The following HIVEP3 variants were observed in gnomAD, a reference collection of about 807,000 sequenced individuals.
The protein encoded by HIVEP3 is transcription factor HIVEP3.
A neutral mutation model predicts 152.8 loss-of-function variants in HIVEP3; 49 were observed. The observed-to-expected ratio is 0.32, with a 90% confidence interval of 0.26 to 0.41. HIVEP3 has a LOEUF of 0.41. Among genes scored for constraint, HIVEP3 ranks in the 10% least tolerant of loss-of-function variants. The pLI, the probability that HIVEP3 is intolerant of heterozygous loss-of-function variation, is 1.00. For missense variants in HIVEP3, 2,790 were observed against 3,103.3 expected, an observed-to-expected ratio of 0.90 and a Z score of 2.40; for synonymous variants, 1,269 against 1,289.0, an observed-to-expected ratio of 0.98 and a Z score of 0.33.
At chr1:41,832,311 T>G (rs12562753) in intron 1 of HIVEP3, among the ~76,000 whole-genome samples, 55,227 of 152,080 alleles carry the variant, frequency 0.36, 10,241 homozygotes, top group African/African-American at 0.4. Flanking sequence ...GAGGATCACA[T>G]AAGCCCAGGA....
intron 1 of HIVEP3, among the ~76,000 whole-genome samples, chr1:41,882,437 C>T (rs1644277492): frequency 6.6e-6 from 1 of 152,178 alleles, no homozygotes; most frequent in African/African-American, 2.4e-5. Context: ...AAAATCCCAG[C>T]ACTAGACAGA....
intron 6 of HIVEP3, among the ~76,000 whole-genome samples, chr1:41,518,785 AAAG>A (rs1642679044): frequency 6.6e-6 from 1 of 152,086 alleles, no homozygotes; most frequent in African/African-American, 2.4e-5. Flanking sequence ...AACAAACAAA[AAAG>A]AAATTAAAAG....
chr1:41,688,051 GA>G (rs1474163759), intron 2 of HIVEP3, among the ~76,000 whole-genome samples: 1 of 152,240 alleles, frequency 6.6e-6, no homozygotes, highest in African/African-American at 2.4e-5. Context: ...GAACAGAGCA[GA>G]AAGATGCATG....
chr1:41,611,109 A>G (rs1644890892), intron 3 of HIVEP3, among the ~76,000 whole-genome samples: 1 of 152,222 alleles, frequency 6.6e-6, no homozygotes, highest in Non-Finnish European at 1.5e-5. Context: ...GAAAATTACT[A>G]GTGTATGTTA....
intron 1 of HIVEP3, among the ~76,000 whole-genome samples, chr1:41,820,190 C>T (rs964423842): frequency 6.6e-6 from 1 of 152,162 alleles, no homozygotes; most frequent in Non-Finnish European, 1.5e-5. Flanking sequence ...TTAAATCCCC[C>T]TTTATAAAAA....
intron 1 of HIVEP3, among the ~76,000 whole-genome samples, chr1:41,846,993 C>A (rs1264611337): frequency 6.6e-6 from 1 of 152,184 alleles, no homozygotes; most frequent in African/African-American, 2.4e-5. Flanking sequence ...GCAACGGAAG[C>A]CAGAGCCACC....
chr1:41,555,615 T>G (rs1569888479), intron 5 of HIVEP3, among the ~76,000 whole-genome samples: 1 of 152,220 alleles, frequency 6.6e-6, no homozygotes, highest in African/African-American at 2.4e-5. Context: ...GCTGTTCCTA[T>G]TTGGCCATCT....
chr1:41,652,728 G>A (rs772722544), intron 2 of HIVEP3, among the ~76,000 whole-genome samples: 2 of 152,152 alleles, frequency 1.3e-5, no homozygotes, highest in South Asian at 2.1e-4. Context: ...CCTGCCCTGC[G>A]GGGTAACAAA....
chr1:41,877,214 C>T (rs1644184282), intron 1 of HIVEP3, among the ~76,000 whole-genome samples: 1 of 152,204 alleles, frequency 6.6e-6, no homozygotes, highest in Admixed American at 6.5e-5. Flanking sequence ...CAGCCTGGTT[C>T]ACACAACAGA....
chr1:41,955,100 T>C (rs1476847554), intron 1 of HIVEP3, among the ~76,000 whole-genome samples: 2 of 152,148 alleles, frequency 1.3e-5, no homozygotes, highest in African/African-American at 4.8e-5. Flanking sequence ...TATTTACATG[T>C]TTTATCTCAG....
intron 1 of HIVEP3, among the ~76,000 whole-genome samples, chr1:41,752,437 C>T (rs1323857610): frequency 6.6e-6 from 1 of 152,226 alleles, no homozygotes; most frequent in African/African-American, 2.4e-5. Flanking sequence ...GGGAAGACTG[C>T]GGCTCTGACT....
chr1:41,774,345 A>C (rs1648559214), intron 1 of HIVEP3, among the ~76,000 whole-genome samples: 1 of 152,230 alleles, frequency 6.6e-6, no homozygotes, highest in African/African-American at 2.4e-5. Context: ...TTTCTATAGC[A>C]CAAGCTGACT....
intron 1 of HIVEP3, among the ~76,000 whole-genome samples, chr1:41,722,211 C>A (rs1210756960): frequency 6.6e-6 from 1 of 152,218 alleles, no homozygotes; most frequent in Non-Finnish European, 1.5e-5. Flanking sequence ...GTCTCTGCTG[C>A]AGACTTGTCT....
At chr1:41,595,762 A>C (rs1644656978) in intron 3 of HIVEP3, among the ~76,000 whole-genome samples, 1 of 152,174 alleles carries the variant, frequency 6.6e-6, no homozygotes. Flanking sequence ...GTAGAAGAAC[A>C]TGAAAAGACT....
intron 1 of HIVEP3, among the ~76,000 whole-genome samples, chr1:41,938,305 C>T (rs1645029456): frequency 6.6e-6 from 1 of 152,182 alleles, no homozygotes; most frequent in South Asian, 2.1e-4. Context: ...CCCCACCATA[C>T]CATACCGTGC....
intron 5 of HIVEP3, among the ~76,000 whole-genome samples, chr1:41,564,681 A>G (rs1049209489): frequency 6.6e-6 from 1 of 152,260 alleles, no homozygotes; most frequent in Non-Finnish European, 1.5e-5. Context: ...ATAGATTTCA[A>G]TCTACTGCAA....
intron 1 of HIVEP3, among the ~76,000 whole-genome samples, chr1:41,929,724 T>TATATATATATATATATATATATATA (rs1644986317): frequency 3.3e-5 from 1 of 30,546 alleles, no homozygotes; most frequent in Non-Finnish European, 1.3e-4. Flanking sequence ...GTATATGTGT[T>TATATATATATATATATATATATATA]TTTATATATA....
intron 3 of HIVEP3, among the ~76,000 whole-genome samples, chr1:41,608,461 A>G (rs1380515913): frequency 1.3e-5 from 2 of 152,186 alleles, no homozygotes; most frequent in Admixed American, 6.5e-5. Context: ...TTTGGCGGCC[A>G]CTGGCTGCCT....
At chr1:41,979,948 G>A (rs1034350841) in intron 1 of HIVEP3, among the ~76,000 whole-genome samples, 1 of 152,174 alleles carries the variant, frequency 6.6e-6, no homozygotes, top group Non-Finnish European at 1.5e-5. Context: ...TTGCATTTGG[G>A]GAGCAGAAAG....
Sources: allele counts gnomAD v4.1 joint callset (sites outside exome capture counted in the v4.1 genomes callset), GRCh38; gene constraint gnomAD v4.1.1; transcripts MANE v1.5; gene names NCBI Gene and HGNC (gene_info 2026-07-23, HGNC 2026-07-21).